KIAA0825: variants seen among roughly 807,000 people sequenced by gnomAD.
KIAA0825 encodes the protein KIAA0825.
A neutral mutation model predicts 147.6 loss-of-function variants in KIAA0825; 119 were observed. That is an observed-to-expected ratio of 0.81 (90% CI 0.69 to 0.94). KIAA0825 has a LOEUF of 0.94. KIAA0825 is among the 40% of genes least tolerant of loss of function. The probability of loss-of-function intolerance (pLI) is 0.00; values close to 1 mark genes in which losing one functional copy is unlikely to be tolerated. For missense variants in KIAA0825, 1,381 were observed against 1,472.7 expected (o/e 0.94, Z 1.02); for synonymous variants, 470 against 518.1 (o/e 0.91, Z 1.26).
At chr5:94,388,337 C>G (rs1055242180) in intron 18 of KIAA0825, among the ~76,000 whole-genome samples, 2 of 151,956 alleles carry the variant, frequency 1.3e-5, no homozygotes, top group Non-Finnish European at 2.9e-5. Flanking sequence ...GGTCTGTGGC[C>G]CGGGGGTTGG....
intron 20 of KIAA0825, among the ~76,000 whole-genome samples, chr5:94,327,705 G>A (rs2150274000): frequency 6.6e-6 from 1 of 152,134 alleles, no homozygotes; most frequent in Non-Finnish European, 1.5e-5. Flanking sequence ...AGGGTTTTTG[G>A]AGTAAAGAAC....
intron 2 of KIAA0825, among the ~76,000 whole-genome samples, chr5:94,572,862 T>C (rs886219235): frequency 1.6e-4 from 24 of 152,234 alleles, no homozygotes; most frequent in African/African-American, 5.5e-4. Context: ...ACCTAAGAAG[T>C]AAAAAATGAA....
chr5:94,418,050 G>A (rs895669478), intron 14 of KIAA0825, among the ~76,000 whole-genome samples: 3 of 152,090 alleles, frequency 2.0e-5, no homozygotes, highest in Admixed American at 1.3e-4. Context: ...TGGATGGAAA[G>A]GTGAAATAAT....
At chr5:94,556,349 G>A (rs558913816) in intron 2 of KIAA0825, among the ~76,000 whole-genome samples, 1 of 152,264 alleles carries the variant, frequency 6.6e-6, no homozygotes, top group South Asian at 2.1e-4. Flanking sequence ...TTACAGGCAT[G>A]AGCATGAGCA....
chr5:94,441,552 G>C (rs1438128097), intron 13 of KIAA0825, among the ~76,000 whole-genome samples: 1 of 152,084 alleles, frequency 6.6e-6, no homozygotes, highest in Non-Finnish European at 1.5e-5. Flanking sequence ...AGAGATAACT[G>C]GGTTCATGAG....
chr5:94,272,141 A>C (rs1355559908), intron 20 of KIAA0825, among the ~76,000 whole-genome samples: 1 of 144,972 alleles, frequency 6.9e-6, no homozygotes, highest in African/African-American at 2.5e-5. Flanking sequence ...AACTAAGACA[A>C]TTGAACTCAT....
intron 20 of KIAA0825, among the ~76,000 whole-genome samples, chr5:94,382,527 G>A (rs1748560396): frequency 6.6e-6 from 1 of 152,154 alleles, no homozygotes; most frequent in African/African-American, 2.4e-5. Context: ...GTTCATCATA[G>A]CTCGTGTGCG....
chr5:94,505,271 G>C lies in KIAA0825; in HGVS notation c.970+14977C>G, dbSNP rs890786622. On this transcript the variant is annotated intron_variant, in intron 5 of 20. Transcript: ENST00000682413. ...AGCTACTGGGGAGGCTGAGGCATGA[G>C]AATTGTTTGAACCCAGAAGGCAGAG... is the stretch of plus-strand genomic sequence containing the variant. Among the ~76,000 whole-genome samples, 3 of 151,250 alleles carry C rather than the reference G, an allele frequency of 2.0e-5. No individual in the cohort carries two copies. In the East Asian group the frequency reaches 5.9e-4, roughly 30 times the overall value.
intron 20 of KIAA0825, among the ~76,000 whole-genome samples, chr5:94,288,151 A>G (rs1414063811): frequency 6.6e-6 from 1 of 152,124 alleles, no homozygotes; most frequent in Non-Finnish European, 1.5e-5. Context: ...AACTAAAATG[A>G]TGGAAATGGA....
chr5:94,481,119 G>A (rs1183421031), intron 6 of KIAA0825, among the ~76,000 whole-genome samples: 16 of 151,884 alleles, frequency 1.1e-4, no homozygotes, highest in Non-Finnish European at 1.8e-4. Context: ...GCCCACTTTC[G>A]GCTCATCACT....
chr5:94,297,438 A>G (rs1464253551), intron 20 of KIAA0825, among the ~76,000 whole-genome samples: 1 of 152,186 alleles, frequency 6.6e-6, no homozygotes. Flanking sequence ...AAATACACCA[A>G]TATGATTACA....
chr5:94,615,827 T>G (rs776016958), intron 1 of KIAA0825: 1 of 152,096 alleles, frequency 6.6e-6, no homozygotes, highest in Non-Finnish European at 1.5e-5. Context: ...AAATGCTTAT[T>G]TTTTATTTTT....
At chr5:94,614,184 C>G (rs1789736888) in intron 1 of KIAA0825, among the ~76,000 whole-genome samples, 1 of 152,070 alleles carries the variant, frequency 6.6e-6, no homozygotes, top group Non-Finnish European at 1.5e-5. Flanking sequence ...TTGAAAAAAG[C>G]AGGTCACAAG....
At chr5:94,513,955 C>CAGCTAACTTG (rs1444412168) in intron 5 of KIAA0825, among the ~76,000 whole-genome samples, 1 of 152,010 alleles carries the variant, frequency 6.6e-6, no homozygotes, top group African/African-American at 2.4e-5. Context: ...CTTAATTTTG[C>CAGCTAACTTG]AGCTAACTTG....
chr5:94,193,521 A>G (rs1281217787), intron 20 of KIAA0825, among the ~76,000 whole-genome samples: 1 of 152,156 alleles, frequency 6.6e-6, no homozygotes, highest in Non-Finnish European at 1.5e-5. Context: ...GTCTGGCTCT[A>G]CTATCTATTC....
intron 5 of KIAA0825, among the ~76,000 whole-genome samples, chr5:94,498,769 C>A (rs1032304683): frequency 6.6e-6 from 1 of 152,180 alleles, no homozygotes; most frequent in African/African-American, 2.4e-5. Context: ...GTAATCTCTA[C>A]TGCTGGTACT....
In KIAA0825 at chr5:94,386,312, T is replaced by C. The variant is rs1173822168; in HGVS notation, c.3549A>G (p.Glu1183=). Residue 1183 remains glutamate (E), a synonymous_variant, in exon 19 of 21, where the codon GAA becomes GAG. Coordinates refer to ENST00000682413, the MANE Select transcript of KIAA0825 (RefSeq NM_001145678.3). ...RPLKTTLRSI[E]DQPSAFNPFH... ...AAGGGTTAAAGGCAGAAGGCTGATC[T>C]TCTATACTCCTCAAGGTCGTCTTTA... 2 of 1,551,518 alleles carry C rather than the reference T, an allele frequency of 1.3e-6. No individual in the cohort carries two copies. Among genetic ancestry groups the C allele is most frequent in the Non-Finnish European group, 1.7e-6 (2 of 1,146,880 alleles).
chr5:94,463,930 TAA>T (rs1760145188), intron 11 of KIAA0825, among the ~76,000 whole-genome samples: 1 of 151,886 alleles, frequency 6.6e-6, no homozygotes, highest in Non-Finnish European at 1.5e-5. Flanking sequence ...TTCAGTTTTT[TAA>T]AAGAGTCTGG....
chr5:94,239,406 T>C (rs1775232523), intron 20 of KIAA0825, among the ~76,000 whole-genome samples: 1 of 152,194 alleles, frequency 6.6e-6, no homozygotes, highest in South Asian at 2.1e-4. Flanking sequence ...GATCTGGCAT[T>C]CTGAAAATCA....
Sources: allele counts gnomAD v4.1 joint callset (sites outside exome capture counted in the v4.1 genomes callset), GRCh38; gene constraint gnomAD v4.1.1; transcripts MANE v1.5; gene names NCBI Gene and HGNC (gene_info 2026-07-23, HGNC 2026-07-21).